OLA1: variants seen among roughly 807,000 people sequenced by gnomAD.
OLA1 encodes the protein obg-like ATPase 1.
Under a neutral mutation model 48.4 loss-of-function variants are expected in OLA1, and 14 were observed. The observed-to-expected ratio is 0.29, with a 90% confidence interval of 0.19 to 0.45. OLA1 has a LOEUF of 0.45. OLA1 is among the 20% of genes least tolerant of loss of function. OLA1 has a pLI of 1.00. For missense variants in OLA1, 325 were observed against 467.1 expected (o/e 0.70, Z 2.80); for synonymous variants, 127 against 150.4 (o/e 0.84, Z 1.14).
At chr2:174,109,214 A>T (rs990040739) in intron 7 of OLA1, among the ~76,000 whole-genome samples, 6 of 152,194 alleles carry the variant, frequency 3.9e-5, no homozygotes, top group African/African-American at 1.2e-4. Context: ...TCTTATGGCT[A>T]AGAATGTTTA....
At chr2:174,147,144 A>C (rs975983878) in intron 4 of OLA1, among the ~76,000 whole-genome samples, 1 of 152,138 alleles carries the variant, frequency 6.6e-6, no homozygotes. Flanking sequence ...ACAACAAAAA[A>C]GGCCAGGTGC....
intron 4 of OLA1, among the ~76,000 whole-genome samples, chr2:174,210,143 C>T (rs577496348): frequency 2.0e-5 from 3 of 152,112 alleles, no homozygotes; most frequent in Non-Finnish European, 4.4e-5. Flanking sequence ...GAGGCATATG[C>T]TCCAAAACTG....
intron 10 of OLA1, 91 bp from the exon 11 acceptor site, chr2:174,075,618 C>A: frequency 2.7e-6 from 2 of 751,426 alleles, no homozygotes; most frequent in Non-Finnish European, 2.2e-6. Flanking sequence ...AAGTATTATA[C>A]TACTTGGGTG....
intron 7 of OLA1, among the ~76,000 whole-genome samples, chr2:174,116,845 G>C (rs977049817): frequency 9.2e-5 from 14 of 152,118 alleles, no homozygotes; most frequent in Non-Finnish European, 7.4e-5. Flanking sequence ...CATACTCAGA[G>C]AGACTGAGAT....
chr2:174,084,227 G>A (rs1468995458), intron 7 of OLA1, among the ~76,000 whole-genome samples: 1 of 152,146 alleles, frequency 6.6e-6, no homozygotes, highest in Non-Finnish European at 1.5e-5. Context: ...AGCAGAGCTG[G>A]TACATTTTAG....
intron 7 of OLA1, among the ~76,000 whole-genome samples, chr2:174,104,161 A>AG: frequency 6.6e-6 from 1 of 151,850 alleles, no homozygotes; most frequent in East Asian, 1.9e-4. Flanking sequence ...ATTAAAAAAA[A>AG]AAACACAACA....
At chr2:174,180,636 C>A (rs1212216030) in intron 4 of OLA1, among the ~76,000 whole-genome samples, 1 of 152,188 alleles carries the variant, frequency 6.6e-6, no homozygotes, top group Non-Finnish European at 1.5e-5. Flanking sequence ...TATCCACTGT[C>A]CTGTGGACAC....
chr2:174,083,415 T>C (rs1684901289), intron 7 of OLA1, among the ~76,000 whole-genome samples: 1 of 152,152 alleles, frequency 6.6e-6, no homozygotes, highest in African/African-American at 2.4e-5. Flanking sequence ...TATATGTTTG[T>C]TATACAAAGG....
At chr2:174,143,850 T>C (rs540004331) in intron 4 of OLA1, among the ~76,000 whole-genome samples, 1 of 152,076 alleles carries the variant, frequency 6.6e-6, no homozygotes, top group East Asian at 1.9e-4. Context: ...ACACCTGTAA[T>C]CCCAGCACTT....
At chr2:174,208,256 G>A (rs964416251) in intron 4 of OLA1, among the ~76,000 whole-genome samples, 2 of 152,114 alleles carry the variant, frequency 1.3e-5, no homozygotes, top group African/African-American at 4.8e-5. Context: ...ATCATGTCCT[G>A]TATCTTCAGA....
intron 4 of OLA1, among the ~76,000 whole-genome samples, chr2:174,169,931 ATG>A (rs1257985641): frequency 6.6e-6 from 1 of 152,232 alleles, no homozygotes; most frequent in African/African-American, 2.4e-5. Flanking sequence ...GATTTACAAA[ATG>A]TGTAGAGTAT....
At chr2:174,175,550 C>T (rs1200953344) in intron 4 of OLA1, among the ~76,000 whole-genome samples, 1 of 151,902 alleles carries the variant, frequency 6.6e-6, no homozygotes, top group Non-Finnish European at 1.5e-5. Flanking sequence ...AATGCCTAAA[C>T]TAGAAACAAT....
At chr2:174,083,472 A>G (rs1450875047) in intron 7 of OLA1, among the ~76,000 whole-genome samples, 2 of 152,128 alleles carry the variant, frequency 1.3e-5, no homozygotes, top group Non-Finnish European at 2.9e-5. Flanking sequence ...TCTTCATAAT[A>G]GTATTTTTTC....
intron 4 of OLA1, among the ~76,000 whole-genome samples, chr2:174,213,078 T>C (rs1379129538): frequency 6.6e-6 from 1 of 152,210 alleles, no homozygotes; most frequent in Non-Finnish European, 1.5e-5. Context: ...ATATATTCCC[T>C]ACTCCCACCA....
chr2:174,181,452 A>C (rs982592803), intron 4 of OLA1, among the ~76,000 whole-genome samples: 2 of 152,210 alleles, frequency 1.3e-5, no homozygotes, highest in Non-Finnish European at 2.9e-5. Context: ...GCATGTTTGC[A>C]AGCTCAGGGG....
chr2:174,096,904 T>A (rs1401154954), intron 7 of OLA1, among the ~76,000 whole-genome samples: 1 of 152,196 alleles, frequency 6.6e-6, no homozygotes, highest in East Asian at 1.9e-4. Flanking sequence ...ACGCCTGTAA[T>A]CTCAGCACTT....
intron 4 of OLA1, among the ~76,000 whole-genome samples, chr2:174,215,876 T>C (rs1279649823): frequency 6.6e-6 from 1 of 152,250 alleles, no homozygotes; most frequent in Non-Finnish European, 1.5e-5. Flanking sequence ...CTTAAAACAC[T>C]GTGAGACATT....
intron 4 of OLA1, among the ~76,000 whole-genome samples, chr2:174,158,136 C>T (rs922670594): frequency 1.3e-5 from 2 of 152,176 alleles, no homozygotes; most frequent in African/African-American, 2.4e-5. Flanking sequence ...ACGTCCTAGT[C>T]AGTCTACAAG....
At chr2:174,146,253 G>A (rs1015732979) in intron 4 of OLA1, among the ~76,000 whole-genome samples, 1 of 152,188 alleles carries the variant, frequency 6.6e-6, no homozygotes, top group Non-Finnish European at 1.5e-5. Flanking sequence ...TCTGGATATT[G>A]ACTGGATAGT....
Sources: allele counts gnomAD v4.1 joint callset (sites outside exome capture counted in the v4.1 genomes callset), GRCh38; gene constraint gnomAD v4.1.1; transcripts MANE v1.5; gene names NCBI Gene and HGNC (gene_info 2026-07-23, HGNC 2026-07-21).